DLK1: variants seen among roughly 807,000 people sequenced by gnomAD.
DLK1 encodes protein delta homolog 1.
A neutral mutation model predicts 35.2 loss-of-function variants in DLK1; 9 were observed. That is an observed-to-expected ratio of 0.26 (90% CI 0.15 to 0.45). The LOEUF (loss-of-function observed/expected upper bound fraction) is 0.45, where lower values mean the gene tolerates loss of function less well. Ranked by LOEUF, DLK1 falls within the 20% of genes least tolerant of loss-of-function variation. The probability of loss-of-function intolerance (pLI) is 1.00; values close to 1 mark genes in which losing one functional copy is unlikely to be tolerated. For missense variants in DLK1, 522 were observed against 528.5 expected (o/e 0.99, Z 0.12); for synonymous variants, 231 against 228.4 (o/e 1.01, Z -0.10).
rs758494884 is a variant in DLK1 at position 100,736,271 on chromosome 14, T to C, written c.*1375T>C. Reference sequence around the variant, plus strand: ...TTTTCAGCTTTTGGGGTTGGACAGCTAAACAGCCCTTGGGTACCAGATAGG... The same window carrying C: ...TTTTCAGCTTTTGGGGTTGGACAGCCAAACAGCCCTTGGGTACCAGATAGG... On this transcript the variant is annotated 3_prime_UTR_variant, in exon 5 of 5. Transcript: ENST00000341267. 1 of 152,086 alleles carries C rather than the reference T, an allele frequency of 6.6e-6. No homozygotes were observed. The highest frequency in any genetic ancestry group is 2.1e-4 in the South Asian group (1 of 4,828). 9.4% of individuals were successfully genotyped at this position (152,086 alleles called of 1,614,324 possible). A position where few individuals can be genotyped will look rare whatever the true frequency, so the allele number is the denominator to read the frequency against.
rs1170089543 is a variant in DLK1 at position 100,732,093 on chromosome 14, G to A, written c.314G>A (p.Ser105Asn). 1 of 1,613,984 alleles carries A rather than the reference G, an allele frequency of 6.2e-7. No individual in the cohort carries two copies. The highest frequency in any genetic ancestry group is 1.1e-5 in the South Asian group (1 of 91,058). The change falls in exon 4 of 5, where the codon AGC (serine) becomes AAC (asparagine). Residue 105 changes from serine to asparagine, a missense_variant. By Grantham distance (46) the Ser-to-Asn change is conservative. Coordinates refer to ENST00000341267, the MANE Select transcript of DLK1 (RefSeq NM_003836.7). ...TGTGCCAACAACAGGACCTGCGTGAGCCTGGACGATGGCCTCTATGAATGC... is the reference window on the plus strand; with the variant it reads ...TGTGCCAACAACAGGACCTGCGTGAACCTGGACGATGGCCTCTATGAATGC... ...APCANNRTCV[S>N]LDDGLYECSC... is the part of the protein sequence containing the mutation.
intron 3 of DLK1, among the ~76,000 whole-genome samples, chr14:100,729,880 G>T (rs985123341): frequency 6.6e-6 from 1 of 152,174 alleles, no homozygotes; most frequent in African/African-American, 2.4e-5. Context: ...CCCAACATTA[G>T]TAAAGACGGT....
At chr14:100,728,706 A>G (rs2036469689) in intron 2 of DLK1, 2 of 662,824 alleles carry the variant, frequency 3.0e-6, no homozygotes, top group South Asian at 3.8e-5. Context: ...CTGCGGCAAA[A>G]CGCAGCACTC....
rs34429112 is a variant in DLK1, at chr14:100,734,347, C to A, written c.603C>A (p.Ile201=). ...DFRCRCPAGF[I]DKTCSRPVTN... The stretch of plus-strand genomic sequence containing the variant: ...GCTGCCGGTGCCCAGCCGGCTTCAT[C>A]GACAAGACCTGCAGCCGCCCGGTGA... The change falls in exon 5 of 5, where the codon ATC becomes ATA. Residue 201 remains isoleucine, a synonymous_variant. Transcript: ENST00000341267. The surrounding 1 kb of genome is among the most constrained non-coding windows in gnomAD (Gnocchi z 7.4). 1.2e-6 allele frequency: 2 copies of A among 1,612,932 alleles called. No individual in the cohort carries two copies. The highest frequency in any genetic ancestry group is 2.2e-5 in the East Asian group (1 of 44,866).
In DLK1 at chr14:100,726,970, G is replaced by T. The variant is rs1767812982; in HGVS notation, c.-99G>T. On this transcript the variant is annotated 5_prime_UTR_variant, in exon 1 of 5. Coordinates refer to ENST00000341267, the MANE Select transcript of DLK1 (RefSeq NM_003836.7). This position sits in a 1 kb window ranked among gnomAD's most constrained non-coding sequence, Gnocchi z 4.2. ...CTGGCTTTCCCCTCGCTGCGCGCCC[G>T]CGCCCCCTTTCGCGTCCGCAACCAG... The T allele has an allele frequency of 5.8e-6, 7 of 1,210,532 alleles. No individual in the cohort carries two copies. Among genetic ancestry groups the T allele is most frequent in the Non-Finnish European group, 7.6e-6 (7 of 927,126 alleles). 75.0% of individuals were successfully genotyped at this position (1,210,532 alleles called of 1,614,324 possible).
Position 100,727,140 on chromosome 14 carries a change from G to A in DLK1, c.67+5G>A, listed in dbSNP as rs1469170311. The A allele has an allele frequency of 6.3e-7, 1 of 1,576,034 alleles. No individual in the cohort carries two copies. The highest frequency in any genetic ancestry group is 1.7e-5 in the Admixed American group (1 of 57,662). Reference sequence around the variant, plus strand: ...CTTTCGGCCACAGCACCTATGGTGAGTTCCCCGGCGGCCCGGCTCGCGCCC... The same window carrying A: ...CTTTCGGCCACAGCACCTATGGTGAATTCCCCGGCGGCCCGGCTCGCGCCC... On this transcript the variant is annotated splice_donor_5th_base_variant and intron_variant, in intron 1 of 4. Coordinates refer to ENST00000341267, the MANE Select transcript of DLK1 (RefSeq NM_003836.7).
rs2036558033 is a variant in DLK1 at position 100,735,167 on chromosome 14, A to G, written c.*271A>G. The G allele has an allele frequency of 2.9e-6, 1 of 340,498 alleles. No individual in the cohort carries two copies. Among genetic ancestry groups the G allele is most frequent in the Non-Finnish European group, 5.1e-6 (1 of 197,662 alleles). The allele number at this position is 340,498 out of a possible 1,614,324, so 21.1% of individuals were successfully genotyped here. A position where few individuals can be genotyped will look rare whatever the true frequency, so the allele number is the denominator to read the frequency against. On this transcript the variant is annotated 3_prime_UTR_variant, in exon 5 of 5. Transcript: ENST00000341267. ...ATGTTATTCTAAAATCTAAACTCAA[A>G]TGAAATTTCAAAAAAGACCAAAAAA...
Position 100,734,835 on chromosome 14 carries a change from T to TC in DLK1, c.1092dup (p.Phe365LeufsTer70). 1.2e-6 allele frequency: 2 copies of TC among 1,612,574 alleles called. No individual in the cohort carries two copies. The highest frequency in any genetic ancestry group is 1.7e-6 in the Non-Finnish European group (2 of 1,179,652). Reference sequence around the variant, plus strand: ...GGGGAGGACCTGGCCGTCAACATCATCTTCCCCGAGAAGATCGACATGACC... The same window carrying TC: ...GGGGAGGACCTGGCCGTCAACATCATCCTTCCCCGAGAAGATCGACATGACC... On this transcript the variant is annotated frameshift_variant, in exon 5 of 5. Coordinates refer to ENST00000341267, the MANE Select transcript of DLK1 (RefSeq NM_003836.7). LOFTEE classifies it high-confidence loss of function. The surrounding 1 kb of genome is among the most constrained non-coding windows in gnomAD (Gnocchi z 7.4).
At chr14:100,731,565 T>C (rs1013718933) in intron 3 of DLK1, among the ~76,000 whole-genome samples, 2 of 151,980 alleles carry the variant, frequency 1.3e-5, no homozygotes, top group Admixed American at 6.6e-5. Flanking sequence ...CCCTCTTTGA[T>C]GGAAAAGTAT....
rs571337376 is a variant in DLK1, at chr14:100,733,899, G to A, written c.405-250G>A. 7.9e-5 allele frequency among the ~76,000 whole-genome samples: 12 copies of A among 152,178 alleles called. No homozygotes were observed. In the South Asian group the frequency reaches 2.5e-3, roughly 32 times the overall value. ...GTCCCAGGTTAGCATCGAGATGGGG[G>A]TGAGGTGGGCACCCACCCACCCACC... On this transcript the variant is annotated intron_variant, in intron 4 of 4. Coordinates refer to ENST00000341267, the MANE Select transcript of DLK1 (RefSeq NM_003836.7).
intron 2 of DLK1, 43 bp downstream of exon 2, chr14:100,728,502 A>G (rs1342101940): frequency 1.2e-6 from 2 of 1,607,504 alleles, no homozygotes; most frequent in Non-Finnish European, 1.7e-6. Context: ...GGGGCCACGC[A>G]GAAGCCTGGG....
At chr14:100,731,519 G>A (rs1303043477) in intron 3 of DLK1, among the ~76,000 whole-genome samples, 3 of 152,146 alleles carry the variant, frequency 2.0e-5, no homozygotes, top group Non-Finnish European at 4.4e-5. Context: ...GATTCCTGAC[G>A]GAGGGGGGTC....
chr14:100,734,128 T>A lies in DLK1; in HGVS notation c.405-21T>A, dbSNP rs1348252307. The stretch of plus-strand genomic sequence containing the variant: ...TAGCCTAGCCCCTGAGGCCGTTTAC[T>A]ATGTCCCTGTTGTGTTGCAGCTCCC... On this transcript the variant is annotated intron_variant, in intron 4 of 4. Transcript: ENST00000341267. This position sits in a 1 kb window ranked among gnomAD's most constrained non-coding sequence, Gnocchi z 7.4. 1 of 1,579,742 alleles carries A rather than the reference T, an allele frequency of 6.3e-7. No individual in the cohort carries two copies. Among genetic ancestry groups the A allele is most frequent in the Non-Finnish European group, 8.6e-7 (1 of 1,163,168 alleles).
Position 100,735,447 on chromosome 14 carries a change from A to T in DLK1, c.*551A>T, listed in dbSNP as rs1202910656. The T allele has an allele frequency of 6.6e-6, 1 of 152,356 alleles. No homozygotes were observed. Among genetic ancestry groups the T allele is most frequent in the Non-Finnish European group, 1.5e-5 (1 of 68,102 alleles). 9.4% of individuals were successfully genotyped at this position (152,356 alleles called of 1,614,324 possible). The stretch of plus-strand genomic sequence containing the variant: ...CAGCGGCTGTGTGTCAGTCAGAGAG[A>T]GCCCCAGGTTGGCTGCTGGGGGGCC... On this transcript the variant is annotated 3_prime_UTR_variant, in exon 5 of 5. Coordinates refer to ENST00000341267, the MANE Select transcript of DLK1 (RefSeq NM_003836.7).
In DLK1 at chr14:100,732,169, C is replaced by G; in HGVS notation, c.390C>G (p.Pro130=). Reference sequence around the variant, plus strand: ...AGGACTGCCAGAAAAAGGACGGGCCCTGTGTGATCAACGGGTAAATATCCT... The same window carrying G: ...AGGACTGCCAGAAAAAGGACGGGCCGTGTGTGATCAACGGGTAAATATCCT... ...SGKDCQKKDG[P]CVINGSPCQH... is the part of the protein sequence containing the mutation. Residue 130 remains proline, a synonymous_variant, in exon 4 of 5, where the codon CCC becomes CCG. Transcript: ENST00000341267. 1.2e-6 allele frequency: 2 copies of G among 1,613,506 alleles called. No homozygotes were observed. Among genetic ancestry groups the G allele is most frequent in the Non-Finnish European group, 1.7e-6 (2 of 1,179,830 alleles).
chr14:100,730,109 A>T (rs1055134330), intron 3 of DLK1, among the ~76,000 whole-genome samples: 6 of 152,092 alleles, frequency 3.9e-5, no homozygotes, highest in Non-Finnish European at 8.8e-5. Context: ...TCTGAAGCTG[A>T]GCTCCCTCCC....
At chr14:100,730,733 G>A (rs566218366) in intron 3 of DLK1, among the ~76,000 whole-genome samples, 1 of 152,324 alleles carries the variant, frequency 6.6e-6, no homozygotes, top group African/African-American at 2.4e-5. Flanking sequence ...GGAGCCTGAC[G>A]CGGAGGCGCC....
chr14:100,732,068 T>A lies in DLK1; in HGVS notation c.289T>A (p.Cys97Ser). 6.2e-7 allele frequency: 1 copy of A among 1,613,812 alleles called. No individual in the cohort carries two copies. Among genetic ancestry groups the A allele is most frequent in the Non-Finnish European group, 8.5e-7 (1 of 1,179,812 alleles). Residue 97 changes from cysteine to serine, a missense_variant, in exon 4 of 5, where the codon TGT becomes AGT. Cys to Ser is a moderately radical substitution (Grantham distance 112). Transcript: ENST00000341267. Reference sequence around the variant, plus strand: ...TGTTCGGGCCTGCTCCTCGGCCCCCTGTGCCAACAACAGGACCTGCGTGAG... The same window carrying A: ...TGTTCGGGCCTGCTCCTCGGCCCCCAGTGCCAACAACAGGACCTGCGTGAG... ...RDVRACSSAP[C>S]ANNRTCVSLD...
chr14:100,734,723 C>T lies in DLK1; in HGVS notation c.979C>T (p.Leu327Phe), dbSNP rs747144857. 2 of 1,614,122 alleles carry T rather than the reference C, an allele frequency of 1.2e-6. No individual in the cohort carries two copies. The highest frequency in any genetic ancestry group is 1.7e-6 in the Non-Finnish European group (2 of 1,180,042). ...VVLGTVGIVF[L>F]NKCETWVSNL... Reference sequence around the variant, plus strand: ...GCTGGGCACTGTGGGTATCGTCTTCCTCAACAAGTGCGAGACCTGGGTGTC... The same window carrying T: ...GCTGGGCACTGTGGGTATCGTCTTCTTCAACAAGTGCGAGACCTGGGTGTC... Residue 327 changes from leucine (L) to phenylalanine (F), a missense_variant, in exon 5 of 5, where the codon CTC (leucine) becomes TTC (phenylalanine). Coordinates refer to ENST00000341267, the MANE Select transcript of DLK1 (RefSeq NM_003836.7). The surrounding 1 kb of genome is among the most constrained non-coding windows in gnomAD (Gnocchi z 7.4).
Sources: gnomAD v4.1 joint callset for allele counts (sites outside exome capture counted in the v4.1 genomes callset) on GRCh38, gnomAD v4.1.1 for gene constraint, Gnocchi (gnomAD v3.1) non-coding constraint, MANE v1.5 for transcripts, NCBI Gene and HGNC (gene_info 2026-07-23, HGNC 2026-07-21) for gene names.